ZYG11B: variants seen among roughly 807,000 people sequenced by gnomAD.
ZYG11B encodes protein zyg-11 homolog B.
Under a neutral mutation model 82.4 loss-of-function variants are expected in ZYG11B, and 36 were observed. The observed-to-expected ratio is 0.44, with a 90% CI of 0.33 to 0.58. The LOEUF (loss-of-function observed/expected upper bound fraction) is 0.58. Ranked by LOEUF, ZYG11B falls within the 20% of genes least tolerant of loss-of-function variation. The pLI, the probability that ZYG11B is intolerant of heterozygous loss-of-function variation, is 0.02. For synonymous variants in ZYG11B, 303 were observed against 312.8 expected (o/e 0.97, Z 0.33); for missense variants, 552 against 895.6 (o/e 0.62, Z 4.90).
rs150058338 is a variant in ZYG11B, at chr1:52,763,687, T to C, written c.196+7064T>C. ...CTTATCGGGGTCTGTGATTCTCTTGTCATAATCTTTTCTCATTGTATCTGT... is the reference window on the plus strand; with the variant it reads ...CTTATCGGGGTCTGTGATTCTCTTGCCATAATCTTTTCTCATTGTATCTGT... On this transcript the variant is annotated intron_variant, in intron 2 of 13. Transcript: ENST00000294353. 9.2e-5 allele frequency among the ~76,000 whole-genome samples: 14 copies of C among 152,314 alleles called. No homozygotes were observed. The East Asian group carries it at 2.7e-3, about 29-fold the overall frequency.
chr1:52,728,837 A>G (rs1644305454), intron 1 of ZYG11B, among the ~76,000 whole-genome samples: 1 of 150,548 alleles, frequency 6.6e-6, no homozygotes, highest in East Asian at 2.0e-4. Context: ...GTGAGTAGCA[A>G]GTAGAAAGGA....
intron 2 of ZYG11B, among the ~76,000 whole-genome samples, chr1:52,758,673 G>C (rs1644600590): frequency 1.3e-5 from 2 of 152,126 alleles, no homozygotes; most frequent in Non-Finnish European, 2.9e-5. Flanking sequence ...AGAAAGAGTA[G>C]GATGAAATGA....
At chr1:52,746,714 T>TTTTTTTTTTTG (rs1644480681) in intron 1 of ZYG11B, among the ~76,000 whole-genome samples, 1 of 128,572 alleles carries the variant, frequency 7.8e-6, no homozygotes, top group African/African-American at 2.9e-5. Flanking sequence ...TTTTTTTTTT[T>TTTTTTTTTTTG]GCGGCTGGAA....
intron 5 of ZYG11B, among the ~76,000 whole-genome samples, chr1:52,785,257 A>G (rs1040603056): frequency 6.6e-6 from 1 of 152,176 alleles, no homozygotes; most frequent in Admixed American, 6.6e-5. Flanking sequence ...GGGGGACATA[A>G]TACAAGCCAT....
intron 1 of ZYG11B, chr1:52,754,371 C>T (rs1644552756): frequency 6.6e-6 from 1 of 152,050 alleles, no homozygotes. Context: ...CTGTTCTTAT[C>T]AGTTTATTTT....
chr1:52,783,805 T>TACACACACACACACAC (rs144122989), intron 4 of ZYG11B, among the ~76,000 whole-genome samples: 2 of 135,004 alleles, frequency 1.5e-5, no homozygotes, highest in Non-Finnish European at 3.1e-5. Flanking sequence ...TATATATATA[T>TACACACACACACACAC]ACACACACAC....
At chr1:52,801,772 A>G in intron 8 of ZYG11B, 47 bp from the exon 9 acceptor site, 4 of 1,481,756 alleles carry the variant, frequency 2.7e-6, no homozygotes, top group Non-Finnish European at 2.7e-6. Flanking sequence ...ACAAATTGTA[A>G]TAACAGTTCA....
chr1:52,822,055 G>A lies in ZYG11B; in HGVS notation c.*426G>A, dbSNP rs1022548849. 4 of 154,518 alleles carry A rather than the reference G, an allele frequency of 2.6e-5. No individual in the cohort carries two copies. The highest frequency in any genetic ancestry group is 9.6e-5 in the African/African-American group (4 of 41,526). 9.6% of individuals were successfully genotyped at this position (154,518 alleles called of 1,614,324 possible). On this transcript the variant is annotated 3_prime_UTR_variant, in exon 14 of 14. Coordinates refer to ENST00000294353, the MANE Select transcript of ZYG11B (RefSeq NM_024646.3). ...ATTTTATACTGCTTCTGTATAAAAT[G>A]CCTTTCTTCTCTATCTGTGTATATT...
intron 10 of ZYG11B, among the ~76,000 whole-genome samples, chr1:52,811,845 A>G (rs1375232208): frequency 5.9e-5 from 9 of 152,148 alleles, no homozygotes; most frequent in Admixed American, 4.6e-4. Context: ...CCTGGCTAAC[A>G]TGGTGAAACC....
chr1:52,796,021 G>A (rs1259903651), intron 6 of ZYG11B, among the ~76,000 whole-genome samples: 1 of 152,134 alleles, frequency 6.6e-6, no homozygotes, highest in Non-Finnish European at 1.5e-5. Context: ...TAGAAATACA[G>A]AATAGAAATA....
In ZYG11B at chr1:52,771,025, T is replaced by A; in HGVS notation, c.202T>A (p.Leu68Met). The A allele has an allele frequency of 6.2e-7, 1 of 1,609,964 alleles. No individual in the cohort carries two copies. The highest frequency in any genetic ancestry group is 8.5e-7 in the Non-Finnish European group (1 of 1,177,044). The change falls in exon 3 of 14, where the codon TTG becomes ATG. Residue 68 changes from leucine (L) to methionine (M), a missense_variant. Transcript: ENST00000294353. This position sits in a 1 kb window ranked among gnomAD's most constrained non-coding sequence, Gnocchi z 5.4. ...CGCTGCTTGTTTTTCCACAGGTCTA[T>A]TGAATGATGGAACTGTGGGTATTTT... ...LLRTMAFHGLLNDGTVGIFRG... is the reference protein window; with the variant it reads ...LLRTMAFHGLMNDGTVGIFRG...
At chr1:52,740,355 TGCCATAGTG>T (rs1400970652) in intron 1 of ZYG11B, among the ~76,000 whole-genome samples, 1 of 152,228 alleles carries the variant, frequency 6.6e-6, no homozygotes, top group Non-Finnish European at 1.5e-5. Flanking sequence ...CATATCCACT[TGCCATAGTG>T]GCCAGGCCTT....
chr1:52,748,039 CAATTAT>C (rs1337129937), intron 1 of ZYG11B, among the ~76,000 whole-genome samples: 1 of 152,124 alleles, frequency 6.6e-6, no homozygotes, highest in Non-Finnish European at 1.5e-5. Context: ...AAGTGCTCTA[CAATTAT>C]AATTATGATA....
chr1:52,797,623 C>G (rs893478173), intron 8 of ZYG11B, among the ~76,000 whole-genome samples: 3 of 147,804 alleles, frequency 2.0e-5, no homozygotes, highest in African/African-American at 7.5e-5. Flanking sequence ...ATTCTCCTGC[C>G]TCAGCCTCCC....
intron 4 of ZYG11B, among the ~76,000 whole-genome samples, chr1:52,780,880 G>A (rs1055596785): frequency 1.3e-5 from 2 of 152,178 alleles, no homozygotes; most frequent in Admixed American, 6.5e-5. Context: ...GGACGCAGTG[G>A]CTCACACCTG....
chr1:52,775,300 A>G (rs184509313), intron 3 of ZYG11B, among the ~76,000 whole-genome samples: 2 of 152,224 alleles, frequency 1.3e-5, no homozygotes, highest in Non-Finnish European at 2.9e-5. Context: ...AAGGTACATA[A>G]ATGTTTTTTG....
intron 3 of ZYG11B, among the ~76,000 whole-genome samples, chr1:52,778,873 A>T (rs752817572): frequency 2.0e-5 from 3 of 152,170 alleles, no homozygotes; most frequent in Non-Finnish European, 4.4e-5. Context: ...AAATCTGGGG[A>T]AATTAATTGA....
intron 1 of ZYG11B, among the ~76,000 whole-genome samples, chr1:52,741,320 G>GAA (rs1644429434): frequency 1.2e-5 from 1 of 81,270 alleles, no homozygotes; most frequent in South Asian, 3.9e-4. Flanking sequence ...AAAAAAAAAA[G>GAA]AAAAGAAAAG....
intron 1 of ZYG11B, 70 bp from the exon 2 acceptor site, chr1:52,756,388 G>A (rs570990922): frequency 7.5e-6 from 11 of 1,463,900 alleles, no homozygotes; most frequent in African/African-American, 2.8e-5. Flanking sequence ...TGAATGTTTT[G>A]TTCTCTGCTT....
Sources: allele counts gnomAD v4.1 joint callset (sites outside exome capture counted in the v4.1 genomes callset), GRCh38; gene constraint gnomAD v4.1.1; non-coding constraint Gnocchi (gnomAD v3.1); transcripts MANE v1.5; gene names NCBI Gene and HGNC (gene_info 2026-07-23, HGNC 2026-07-21).